The following ZDHHC3 variants were observed in gnomAD, a reference collection of about 807,000 sequenced individuals.
ZDHHC3 encodes zDHHC palmitoyltransferase 3.
Under a neutral mutation model 30.6 loss-of-function variants are expected in ZDHHC3, and 9 were observed. The observed-to-expected ratio is 0.29, with a 90% confidence interval of 0.18 to 0.51. The LOEUF (loss-of-function observed/expected upper bound fraction) is 0.51, where lower values mean the gene tolerates loss of function less well. Ranked by LOEUF, ZDHHC3 falls within the 20% of genes least tolerant of loss-of-function variation. The pLI, the probability that ZDHHC3 is intolerant of heterozygous loss-of-function variation, is 0.97. For missense variants in ZDHHC3, 246 were observed against 384.2 expected, an observed-to-expected ratio of 0.64 and a Z score of 3.01; for synonymous variants, 136 against 140.2, an observed-to-expected ratio of 0.97 and a Z score of 0.21.
At position 44,922,790 on chromosome 3, in the gene ZDHHC3, G is replaced by C. The variant is rs1163237705; in HGVS notation, c.*3899C>G. On this transcript the variant is annotated 3_prime_UTR_variant, in exon 7 of 7. Coordinates refer to ENST00000424952, the MANE Select transcript of ZDHHC3 (RefSeq NM_001135179.2). Reference sequence around the variant, plus strand: ...GACCGAGAATGTGCATTTCTAACAAGTTCTCAGGTGATGCTGATGTTGACG... The same window carrying C: ...GACCGAGAATGTGCATTTCTAACAACTTCTCAGGTGATGCTGATGTTGACG... 9.1e-6 allele frequency: 9 copies of C among 984,930 alleles called. No homozygotes were observed. The highest frequency in any genetic ancestry group is 9.6e-6 in the Non-Finnish European group (8 of 829,610). 61.0% of individuals were successfully genotyped at this position (984,930 alleles called of 1,614,324 possible). A position where few individuals can be genotyped will look rare whatever the true frequency, so the allele number is the denominator to read the frequency against.
Position 44,915,578 on chromosome 3 carries a change from T to G in ZDHHC3, c.*11111A>C, listed in dbSNP as rs1700107476. 1 of 152,348 alleles carries G rather than the reference T, an allele frequency of 6.6e-6. No homozygotes were observed. Among genetic ancestry groups the G allele is most frequent in the Non-Finnish European group, 1.5e-5 (1 of 68,216 alleles). The allele number at this position is 152,348 out of a possible 1,614,324, so 9.4% of individuals were successfully genotyped here. A position where few individuals can be genotyped will look rare whatever the true frequency, so the allele number is the denominator to read the frequency against. On this transcript the variant is annotated 3_prime_UTR_variant, in exon 7 of 7. Coordinates refer to ENST00000424952, the MANE Select transcript of ZDHHC3 (RefSeq NM_001135179.2). ...GTGAAGAGGGGAGGCAGGGTCAGCC[T>G]CTGTGCAAGTAAAATGCCCCCTCAC...
chr3:44,945,144 G>A (rs1481380229), intron 3 of ZDHHC3, 24 bp downstream of exon 3: 3 of 1,613,306 alleles, frequency 1.9e-6, no homozygotes, highest in Non-Finnish European at 2.5e-6. Context: ...GGAGAAGAGA[G>A]GAGGCGAGCC....
chr3:44,925,237 G>A lies in ZDHHC3; in HGVS notation c.*1452C>T, dbSNP rs1575769236. On this transcript the variant is annotated 3_prime_UTR_variant, in exon 7 of 7. Coordinates refer to ENST00000424952, the MANE Select transcript of ZDHHC3 (RefSeq NM_001135179.2). ...GCACTGACAGAATTGAAAAGTGGCA[G>A]CATGTTCCACTTACTTTTCTGAAAA... 1 of 985,746 alleles carries A rather than the reference G, an allele frequency of 1.0e-6. No homozygotes were observed. Among genetic ancestry groups the A allele is most frequent in the African/African-American group, 1.7e-5 (1 of 57,230 alleles). The allele number at this position is 985,746 out of a possible 1,614,324, so 61.1% of individuals were successfully genotyped here.
intron 3 of ZDHHC3, among the ~76,000 whole-genome samples, chr3:44,940,172 A>C (rs556295374): frequency 2.0e-5 from 3 of 152,218 alleles, no homozygotes; most frequent in African/African-American, 7.2e-5. Flanking sequence ...ACCTCCCCCC[A>C]CAACTCCTGA....
In ZDHHC3 at chr3:44,959,536, A is replaced by G; in HGVS notation, c.-24-76T>C. ...GGAGGTTTGACAAAATTGCTCCCAT[A>G]GTGAGTTGTGATTACTTATCTGCAA... On this transcript the variant is annotated intron_variant, in intron 1 of 6. Coordinates refer to ENST00000424952, the MANE Select transcript of ZDHHC3 (RefSeq NM_001135179.2). This position sits in a 1 kb window ranked among gnomAD's most constrained non-coding sequence, Gnocchi z 4.3. 1 of 1,357,840 alleles carries G rather than the reference A, an allele frequency of 7.4e-7. No homozygotes were observed. Among genetic ancestry groups the G allele is most frequent in the Non-Finnish European group, 1.0e-6 (1 of 988,498 alleles). The allele number at this position is 1,357,840 out of a possible 1,614,324, so 84.1% of individuals were successfully genotyped here.
rs780434857 is a variant in ZDHHC3, at chr3:44,945,163, T to C, written c.431+5A>G. The C allele has an allele frequency of 8.7e-6, 14 of 1,613,398 alleles. No homozygotes were observed. The Middle Eastern group carries it at 5.2e-4, about 60-fold the overall frequency. On this transcript the variant is annotated splice_donor_5th_base_variant and intron_variant, in intron 3 of 6. Coordinates refer to ENST00000424952, the MANE Select transcript of ZDHHC3 (RefSeq NM_001135179.2). ...AAGAGAGGAGGCGAGCCCCAGTGAG[T>C]GTACCTGCAGTGGTGGGCTCGGTCG...
chr3:44,936,657 T>C (rs900299761), intron 3 of ZDHHC3, among the ~76,000 whole-genome samples: 8 of 152,094 alleles, frequency 5.3e-5, no homozygotes, highest in Non-Finnish European at 1.2e-4. Flanking sequence ...GTGGTACATA[T>C]ACACCATGGA....
At position 44,920,717 on chromosome 3, in the gene ZDHHC3, C is replaced by T; in HGVS notation, c.*5972G>A. 1.0e-6 allele frequency: 1 copy of T among 985,422 alleles called. No homozygotes were observed. Among genetic ancestry groups the T allele is most frequent in the Non-Finnish European group, 1.2e-6 (1 of 829,936 alleles). The allele number at this position is 985,422 out of a possible 1,614,324, so 61.0% of individuals were successfully genotyped here. On this transcript the variant is annotated 3_prime_UTR_variant, in exon 7 of 7. Transcript: ENST00000424952. The stretch of plus-strand genomic sequence containing the variant: ...GAAGGGGAATGAAGCCAAGAGCCCA[C>T]AGGATGATTATTTGCCATTCATGTG...
intron 3 of ZDHHC3, 137 bp downstream of exon 3, chr3:44,945,031 C>G (rs2125866074): frequency 7.9e-7 from 1 of 1,270,934 alleles, no homozygotes; most frequent in East Asian, 2.3e-5. Context: ...CTGCCCAGAG[C>G]AGGGGACATT....
At chr3:44,955,115 A>G (rs1359976183) in intron 2 of ZDHHC3, among the ~76,000 whole-genome samples, 1 of 152,158 alleles carries the variant, frequency 6.6e-6, no homozygotes, top group Non-Finnish European at 1.5e-5. Flanking sequence ...TCCTGCCCAC[A>G]CCCATGCTGC....
chr3:44,953,296 G>C (rs1295230503), intron 2 of ZDHHC3, among the ~76,000 whole-genome samples: 2 of 152,158 alleles, frequency 1.3e-5, no homozygotes, highest in Non-Finnish European at 2.9e-5. Flanking sequence ...TCTGTTAAGT[G>C]ACTTGGAAAA....
chr3:44,926,203 G>A lies in ZDHHC3; in HGVS notation c.*486C>T, dbSNP rs756713391. On this transcript the variant is annotated 3_prime_UTR_variant, in exon 7 of 7. Coordinates refer to ENST00000424952, the MANE Select transcript of ZDHHC3 (RefSeq NM_001135179.2). ...TGATCCTGCCCTTCTCAGGCCTCAAGGGGTAAGCATCCATCTTCGGTGAGG... is the reference window on the plus strand; with the variant it reads ...TGATCCTGCCCTTCTCAGGCCTCAAAGGGTAAGCATCCATCTTCGGTGAGG... 1 of 985,878 alleles carries A rather than the reference G, an allele frequency of 1.0e-6. No homozygotes were observed. Among genetic ancestry groups the A allele is most frequent in the Non-Finnish European group, 1.2e-6 (1 of 830,220 alleles). 61.1% of individuals were successfully genotyped at this position (985,878 alleles called of 1,614,324 possible). A position where few individuals can be genotyped will look rare whatever the true frequency, so the allele number is the denominator to read the frequency against.
At chr3:44,938,460 C>T (rs770989420) in intron 3 of ZDHHC3, 18 of 214,690 alleles carry the variant, frequency 8.4e-5, no homozygotes, top group Non-Finnish European at 1.6e-4. Context: ...AACAGTGGTG[C>T]GGTGGAGTGC....
chr3:44,958,622 T>C (rs1456960511), intron 2 of ZDHHC3: 2 of 1,535,988 alleles, frequency 1.3e-6, no homozygotes, highest in South Asian at 1.2e-5. Context: ...AACAGGCTTG[T>C]CCAGCTTTTC....
At chr3:44,962,392 C>G (rs547386885) in intron 1 of ZDHHC3, among the ~76,000 whole-genome samples, 1 of 152,098 alleles carries the variant, frequency 6.6e-6, no homozygotes, top group Non-Finnish European at 1.5e-5. Context: ...ATAAGCCCTT[C>G]CACGTAAGTA....
At chr3:44,948,114 C>T (rs1703111788) in intron 2 of ZDHHC3, among the ~76,000 whole-genome samples, 1 of 152,218 alleles carries the variant, frequency 6.6e-6, no homozygotes, top group South Asian at 2.1e-4. Context: ...AGTGTAACAT[C>T]AGAAGGACAG....
intron 3 of ZDHHC3, chr3:44,937,845 A>G: frequency 2.1e-6 from 1 of 469,176 alleles, no homozygotes. Flanking sequence ...GAAGGGTCTG[A>G]GGCTTACAGT....
chr3:44,922,762 G>A lies in ZDHHC3; in HGVS notation c.*3927C>T. On this transcript the variant is annotated 3_prime_UTR_variant, in exon 7 of 7. Transcript: ENST00000424952. Reference sequence around the variant, plus strand: ...GGTTTCTGGTTCGGTAGCCTGGGGTGGGGACCGAGAATGTGCATTTCTAAC... The same window carrying A: ...GGTTTCTGGTTCGGTAGCCTGGGGTAGGGACCGAGAATGTGCATTTCTAAC... 1 of 984,650 alleles carries A rather than the reference G, an allele frequency of 1.0e-6. No individual in the cohort carries two copies. Among genetic ancestry groups the A allele is most frequent in the Non-Finnish European group, 1.2e-6 (1 of 829,260 alleles). The allele number at this position is 984,650 out of a possible 1,614,324, so 61.0% of individuals were successfully genotyped here.
intron 2 of ZDHHC3, among the ~76,000 whole-genome samples, chr3:44,952,561 T>C (rs1312705140): frequency 6.6e-6 from 1 of 152,200 alleles, no homozygotes; most frequent in Admixed American, 6.5e-5. Context: ...GGCAGGGCTC[T>C]TGAGGCCACC....
Sources: gnomAD v4.1 joint callset for allele counts (sites outside exome capture counted in the v4.1 genomes callset) on GRCh38, gnomAD v4.1.1 for gene constraint, Gnocchi (gnomAD v3.1) non-coding constraint, MANE v1.5 for transcripts, NCBI Gene and HGNC (gene_info 2026-07-23, HGNC 2026-07-21) for gene names.